Variants in TFEB observed in about 807,000 individuals in gnomAD.
The protein encoded by TFEB is transcription factor EB.
TFEB carries 12 observed loss-of-function variants against 48.0 expected under a neutral mutation model. The ratio of observed to expected loss-of-function variants is 0.25; its 90% CI spans 0.16 to 0.40. TFEB has a LOEUF of 0.40. TFEB is among the 10% of genes least tolerant of loss of function. The pLI is 1.00. For missense variants in TFEB, 509 were observed against 640.3 expected (o/e 0.79, Z 2.21); for synonymous variants, 244 against 261.4 (o/e 0.93, Z 0.64).
At chr6:41,735,612 C>G, upstream of TFEB, 1 of 968,390 alleles carries the variant, frequency 1.0e-6, no homozygotes, top group Non-Finnish European at 1.2e-6. Context: ...ACTCCACGCA[C>G]ACTTCCCTCC....
intron 4 of TFEB, among the ~76,000 whole-genome samples, chr6:41,688,751 C>A (rs1463343485): frequency 6.6e-6 from 1 of 152,170 alleles, no homozygotes; most frequent in African/African-American, 2.4e-5. Flanking sequence ...CCCCTGCTAG[C>A]TGTAGGTTTG....
chr6:41,729,581 C>T (rs146975926), intron 1 of TFEB, among the ~76,000 whole-genome samples: 225 of 152,342 alleles, frequency 1.5e-3, no homozygotes, highest in African/African-American at 4.7e-3. Context: ...CAGACCCTGA[C>T]GCATGTTCTG....
chr6:41,728,290 T>C (rs1263209807), intron 1 of TFEB, among the ~76,000 whole-genome samples: 1 of 152,196 alleles, frequency 6.6e-6, no homozygotes, highest in Non-Finnish European at 1.5e-5. Context: ...GCTCAGTACA[T>C]GCCTGTTGAC....
intron 4 of TFEB, chr6:41,688,316 C>T (rs2127446959): frequency 2.9e-6 from 1 of 343,846 alleles, no homozygotes; most frequent in Non-Finnish European, 5.3e-6. Flanking sequence ...AGCCCTAGAG[C>T]AGGTCATCTA....
At chr6:41,711,739 C>G (rs1770488586) in intron 1 of TFEB, among the ~76,000 whole-genome samples, 1 of 152,206 alleles carries the variant, frequency 6.6e-6, no homozygotes, top group Admixed American at 6.5e-5. Context: ...ATAAGCCTAG[C>G]CTGGAAAGTA....
At chr6:41,705,141 A>G (rs1770142548) in intron 1 of TFEB, among the ~76,000 whole-genome samples, 1 of 152,166 alleles carries the variant, frequency 6.6e-6, no homozygotes, top group Non-Finnish European at 1.5e-5. Flanking sequence ...TCCAGAAGAG[A>G]GCAGACAACC....
At chr6:41,713,056 G>A (rs940549328) in intron 1 of TFEB, among the ~76,000 whole-genome samples, 1 of 152,146 alleles carries the variant, frequency 6.6e-6, no homozygotes, top group African/African-American at 2.4e-5. Context: ...GAGGGAGGGT[G>A]AAGTCTGCGG....
chr6:41,684,733 G>T lies in TFEB; in HGVS notation c.1297C>A (p.Leu433Met). Residue 433 changes from leucine (L) to methionine (M), a missense_variant, in exon 9 of 9, where the codon CTG becomes ATG. Leu to Met is a conservative substitution (Grantham distance 15). Transcript: ENST00000373033. ...GAGTCGTCCAGGAGCATGAGGTCCA[G>T]ATCCTTCTTGGACAGGCTGGGGAAT... ...SPFPSLSKKDLDLMLLDDSLL... is the reference protein window; with the variant it reads ...SPFPSLSKKDMDLMLLDDSLL... 1 of 1,613,804 alleles carries T rather than the reference G, an allele frequency of 6.2e-7. No homozygotes were observed. The highest frequency in any genetic ancestry group is 1.1e-5 in the South Asian group (1 of 91,042).
At chr6:41,688,203 T>G in intron 4 of TFEB, 175 bp from the exon 5 acceptor site, 1 of 731,360 alleles carries the variant, frequency 1.4e-6, no homozygotes, top group Non-Finnish European at 2.1e-6. Context: ...CCAGAGCTAT[T>G]ATAAGATGTA....
chr6:41,714,944 A>C (rs552831258), intron 1 of TFEB, among the ~76,000 whole-genome samples: 2 of 152,336 alleles, frequency 1.3e-5, no homozygotes, highest in South Asian at 2.1e-4. Flanking sequence ...AGAAAGTCCC[A>C]GGTTGATGTT....
At chr6:41,729,301 G>A (rs1236187442) in intron 1 of TFEB, among the ~76,000 whole-genome samples, 1 of 152,046 alleles carries the variant, frequency 6.6e-6, no homozygotes, top group Non-Finnish European at 1.5e-5. Context: ...CCTCCAGCAG[G>A]GACCCTCCCC....
At chr6:41,698,491 C>G (rs956579007) in intron 1 of TFEB, among the ~76,000 whole-genome samples, 2 of 152,158 alleles carry the variant, frequency 1.3e-5, no homozygotes, top group African/African-American at 4.8e-5. Flanking sequence ...TACCCTTCCT[C>G]AAAGAGCAGA....
At chr6:41,696,618 CG>C (rs1229074259) in intron 1 of TFEB, among the ~76,000 whole-genome samples, 1 of 152,042 alleles carries the variant, frequency 6.6e-6, no homozygotes, top group Non-Finnish European at 1.5e-5. Context: ...CGCTTGAACC[CG>C]GGAGGCAGAG....
At chr6:41,710,880 A>G (rs1581914600) in intron 1 of TFEB, among the ~76,000 whole-genome samples, 3 of 152,042 alleles carry the variant, frequency 2.0e-5, no homozygotes, top group African/African-American at 2.4e-5. Flanking sequence ...CCCTGACTTC[A>G]CCCACCTCTA....
chr6:41,736,132 C>A, upstream of TFEB: 1 of 1,612,916 alleles, frequency 6.2e-7, no homozygotes, highest in Non-Finnish European at 8.5e-7. Context: ...GTTCTACATT[C>A]ACGCCCCACT....
At position 41,734,854 on chromosome 6, in the gene TFEB, C is replaced by T. The variant is rs868501633; in HGVS notation, c.-23+496G>A. 7 of 976,592 alleles carry T rather than the reference C, an allele frequency of 7.2e-6. No homozygotes were observed. The highest frequency in any genetic ancestry group is 8.5e-6 in the Non-Finnish European group (7 of 822,136). The allele number at this position is 976,592 out of a possible 1,614,324, so 60.5% of individuals were successfully genotyped here. A position where few individuals can be genotyped will look rare whatever the true frequency, so the allele number is the denominator to read the frequency against. ...GTGGCGCCGCTCTGGCCCTCCCACTCCCCCCGCTGGCCTGGCCAGACTCAG... is the reference window on the plus strand; with the variant it reads ...GTGGCGCCGCTCTGGCCCTCCCACTTCCCCCGCTGGCCTGGCCAGACTCAG... On this transcript the variant is annotated intron_variant, in intron 1 of 8. Transcript: ENST00000373033. This position sits in a 1 kb window ranked among gnomAD's most constrained non-coding sequence, Gnocchi z 4.0.
intron 3 of TFEB, 85 bp downstream of exon 3, chr6:41,690,578 C>A: frequency 7.1e-7 from 1 of 1,409,092 alleles, no homozygotes; most frequent in African/African-American, 1.4e-5. Flanking sequence ...ACCCCTGCCT[C>A]TGCCATTAGA....
At chr6:41,735,988 T>G (rs1771662272), upstream of TFEB, among the ~76,000 whole-genome samples, 1 of 152,192 alleles carries the variant, frequency 6.6e-6, no homozygotes, top group African/African-American at 2.4e-5. Flanking sequence ...TTCCAGCTTC[T>G]CTTCAGGAGT....
chr6:41,713,866 G>A (rs1397196696), intron 1 of TFEB, among the ~76,000 whole-genome samples: 1 of 152,176 alleles, frequency 6.6e-6, no homozygotes, highest in Non-Finnish European at 1.5e-5. Flanking sequence ...ACTCCCTGAA[G>A]GTCATACACA....
Sources: allele counts gnomAD v4.1 joint callset (sites outside exome capture counted in the v4.1 genomes callset), GRCh38; gene constraint gnomAD v4.1.1; non-coding constraint Gnocchi (gnomAD v3.1); transcripts MANE v1.5; gene names NCBI Gene and HGNC (gene_info 2026-07-23, HGNC 2026-07-21).